DOK5: variants seen among roughly 807,000 people sequenced by gnomAD.
The protein encoded by DOK5 is downstream of tyrosine kinase 5.
DOK5 carries 27 observed loss-of-function variants against 43.3 expected under a neutral mutation model. The ratio of observed to expected loss-of-function variants is 0.62; its 90% CI spans 0.46 to 0.86. The LOEUF (loss-of-function observed/expected upper bound fraction) is 0.86. Ranked by LOEUF, DOK5 falls within the 40% of genes least tolerant of loss-of-function variation. DOK5 has a pLI of 0.00. For synonymous variants in DOK5, 146 were observed against 140.1 expected (o/e 1.04, Z -0.30); for missense variants, 373 against 392.9 (o/e 0.95, Z 0.43).
chr20:54,639,623 T>TA (rs11475854), intron 6 of DOK5, among the ~76,000 whole-genome samples: 61 of 151,006 alleles, frequency 4.0e-4, no homozygotes, highest in African/African-American at 6.3e-4. Context: ...ATATCTATTG[T>TA]AAAAAAAAAA....
intron 6 of DOK5, among the ~76,000 whole-genome samples, chr20:54,613,617 A>G (rs2146796769): frequency 1.3e-5 from 2 of 152,296 alleles, no homozygotes; most frequent in Admixed American, 1.3e-4. Context: ...GAAAATGTCT[A>G]TATATTGTCT....
chr20:54,499,445 G>T (rs1982512849), intron 1 of DOK5, among the ~76,000 whole-genome samples: 1 of 152,214 alleles, frequency 6.6e-6, no homozygotes, highest in Non-Finnish European at 1.5e-5. Flanking sequence ...GATACAGACA[G>T]ACCTAGAAGT....
rs575675660 is a variant in DOK5, at chr20:54,612,563, C to A, written c.735+2040C>A. On this transcript the variant is annotated intron_variant, in intron 6 of 7. Coordinates refer to ENST00000262593, the MANE Select transcript of DOK5 (RefSeq NM_018431.5). ...TGGGCCTCATCCAATCTGATGGAGG[C>A]CAGAATAGAACAAAAGGAGGGTAAG... Among the ~76,000 whole-genome samples, 3 of 151,382 alleles carry A rather than the reference C, an allele frequency of 2.0e-5. No individual in the cohort carries two copies. In the South Asian group the frequency reaches 6.3e-4, roughly 32 times the overall value.
intron 1 of DOK5, among the ~76,000 whole-genome samples, chr20:54,544,077 A>T (rs1984257147): frequency 6.6e-6 from 1 of 152,190 alleles, no homozygotes; most frequent in Non-Finnish European, 1.5e-5. Context: ...TTCCCTGTGG[A>T]TGCTTTTTAA....
intron 1 of DOK5, among the ~76,000 whole-genome samples, chr20:54,524,185 G>T (rs1340546156): frequency 2.0e-5 from 3 of 152,174 alleles, no homozygotes; most frequent in Non-Finnish European, 2.9e-5. Flanking sequence ...GAAAGATTGT[G>T]CTGGGGAAGT....
intron 2 of DOK5, among the ~76,000 whole-genome samples, chr20:54,576,058 C>T (rs539872239): frequency 3.9e-4 from 59 of 151,826 alleles, no homozygotes; most frequent in South Asian, 1.0e-3. Flanking sequence ...ACAAAGAATA[C>T]CTTTTAAAAA....
intron 7 of DOK5, among the ~76,000 whole-genome samples, chr20:54,646,710 T>G (rs1979448032): frequency 6.6e-6 from 1 of 152,128 alleles, no homozygotes; most frequent in Non-Finnish European, 1.5e-5. Context: ...CTACCTACCT[T>G]CCCTCTCCCC....
chr20:54,489,000 A>C (rs1175535792), intron 1 of DOK5, among the ~76,000 whole-genome samples: 1 of 152,100 alleles, frequency 6.6e-6, no homozygotes, highest in Non-Finnish European at 1.5e-5. Flanking sequence ...GAATGGTTTT[A>C]CTTCCTGTCA....
In DOK5 at chr20:54,513,477, A is replaced by C. The variant is rs1459062396; in HGVS notation, c.66+37465A>C. Among the ~76,000 whole-genome samples the C allele has an allele frequency of 4.0e-5, 6 of 150,956 alleles. No individual in the cohort carries two copies. In the East Asian group the frequency reaches 5.8e-4, roughly 15 times the overall value. ...ATACTCTGAGCAAAAAAAAAAAAAA[A>C]AAAAAAAAAAACCCAACATCCATTT... On this transcript the variant is annotated intron_variant, in intron 1 of 7. Transcript: ENST00000262593.
rs1038860375 is a variant in DOK5 at position 54,608,729 on chromosome 20, C to T, written c.600-1659C>T. On this transcript the variant is annotated intron_variant, in intron 5 of 7. Coordinates refer to ENST00000262593, the MANE Select transcript of DOK5 (RefSeq NM_018431.5). Reference sequence around the variant, plus strand: ...TCTGTCACCCAGGCTGGAGTGCAGTCGCATGATCTCAGCTCACTGCAACCT... The same window carrying T: ...TCTGTCACCCAGGCTGGAGTGCAGTTGCATGATCTCAGCTCACTGCAACCT... Among the ~76,000 whole-genome samples, 7 of 149,332 alleles carry T rather than the reference C, an allele frequency of 4.7e-5. No homozygotes were observed. The East Asian group carries it at 7.9e-4, about 17-fold the overall frequency.
chr20:54,515,823 C>T (rs78521949), intron 1 of DOK5, among the ~76,000 whole-genome samples: 2 of 152,136 alleles, frequency 1.3e-5, no homozygotes, highest in African/African-American at 2.4e-5. Flanking sequence ...TACCCAGAAA[C>T]GTAGACTAAT....
intron 1 of DOK5, among the ~76,000 whole-genome samples, chr20:54,504,710 C>T (rs1378809090): frequency 6.6e-6 from 1 of 152,190 alleles, no homozygotes; most frequent in Non-Finnish European, 1.5e-5. Flanking sequence ...ATATGGTAGA[C>T]AGAAGGGAAA....
At chr20:54,633,781 T>G (rs1446507144) in intron 6 of DOK5, among the ~76,000 whole-genome samples, 2 of 152,234 alleles carry the variant, frequency 1.3e-5, no homozygotes, top group African/African-American at 4.8e-5. Flanking sequence ...AATTAGGTAT[T>G]GAGGTACTGA....
chr20:54,492,430 A>C (rs887598057), intron 1 of DOK5, among the ~76,000 whole-genome samples: 8 of 152,120 alleles, frequency 5.3e-5, no homozygotes, highest in Non-Finnish European at 1.2e-4. Context: ...TCTATGTCAC[A>C]ATTTCTTTAA....
In DOK5 at chr20:54,526,287, G is replaced by T. The variant is rs952530515; in HGVS notation, c.67-28646G>T. ...TTTAAAGAGCACTTTCAGTCTGAGGGGTGTCTTTTCTGTGCATTGTGAAGG... is the reference window on the plus strand; with the variant it reads ...TTTAAAGAGCACTTTCAGTCTGAGGTGTGTCTTTTCTGTGCATTGTGAAGG... On this transcript the variant is annotated intron_variant, in intron 1 of 7. Transcript: ENST00000262593. Among the ~76,000 whole-genome samples, 9 of 152,024 alleles carry T rather than the reference G, an allele frequency of 5.9e-5. No homozygotes were observed. The East Asian group carries it at 1.7e-3, about 29-fold the overall frequency.
At position 54,519,366 on chromosome 20, in the gene DOK5, G is replaced by C. The variant is rs990885594; in HGVS notation, c.67-35567G>C. Among the ~76,000 whole-genome samples the C allele has an allele frequency of 2.0e-5, 3 of 151,898 alleles. No individual in the cohort carries two copies. The South Asian group carries it at 6.2e-4, about 32-fold the overall frequency. On this transcript the variant is annotated intron_variant, in intron 1 of 7. Coordinates refer to ENST00000262593, the MANE Select transcript of DOK5 (RefSeq NM_018431.5). The stretch of plus-strand genomic sequence containing the variant: ...TAAATAACTATTAGATATTTAATTG[G>C]TATTAGATCTATTTCTTTTTTAACT...
intron 1 of DOK5, among the ~76,000 whole-genome samples, chr20:54,542,665 C>T (rs1984205895): frequency 6.6e-6 from 1 of 152,104 alleles, no homozygotes; most frequent in South Asian, 2.1e-4. Context: ...ACGAAAAACA[C>T]ATACTACAGG....
chr20:54,620,182 T>C (rs1488272885), intron 6 of DOK5, among the ~76,000 whole-genome samples: 2 of 152,222 alleles, frequency 1.3e-5, no homozygotes, highest in African/African-American at 4.8e-5. Flanking sequence ...TGCAAAGCAA[T>C]GTGTTAGATC....
At chr20:54,631,172 A>G (rs1054501458) in intron 6 of DOK5, among the ~76,000 whole-genome samples, 8 of 152,204 alleles carry the variant, frequency 5.3e-5, no homozygotes, top group African/African-American at 1.7e-4. Flanking sequence ...ACGCTATCCA[A>G]TTTGTGTTAA....
Sources: allele counts gnomAD v4.1 joint callset (sites outside exome capture counted in the v4.1 genomes callset), GRCh38; gene constraint gnomAD v4.1.1; transcripts MANE v1.5; gene names NCBI Gene and HGNC (gene_info 2026-07-23, HGNC 2026-07-21).